COL1A2: variants seen among roughly 807,000 people sequenced by gnomAD.
COL1A2 encodes the protein collagen alpha-2(I) chain.
Under a neutral mutation model 174.3 loss-of-function variants are expected in COL1A2, and 49 were observed. The observed-to-expected ratio is 0.28, with a 90% CI of 0.22 to 0.36. The LOEUF (loss-of-function observed/expected upper bound fraction) is 0.36, where lower values mean the gene tolerates loss of function less well. Among genes scored for constraint, COL1A2 ranks in the 10% least tolerant of loss-of-function variants. The pLI is 1.00. For missense variants in COL1A2, 1,438 were observed against 1,822.7 expected (o/e 0.79, Z 3.84); for synonymous variants, 655 against 606.6 (o/e 1.08, Z -1.17).
chr7:94,401,376 G>A (rs925392026), intron 5 of COL1A2, among the ~76,000 whole-genome samples, 191 bp from the exon 6 acceptor site: 2 of 152,026 alleles, frequency 1.3e-5, no homozygotes, highest in Non-Finnish European at 1.5e-5. Flanking sequence ...AGTTTTTGAC[G>A]TACAGCTCTC....
chr7:94,413,730 C>T lies in COL1A2; in HGVS notation c.1598C>T (p.Pro533Leu), dbSNP rs1791980702. 1 of 1,614,192 alleles carries T rather than the reference C, an allele frequency of 6.2e-7. No individual in the cohort carries two copies. Among genetic ancestry groups the T allele is most frequent in the South Asian group, 1.1e-5 (1 of 91,086 alleles). Residue 533 changes from proline to leucine, a missense_variant, in exon 27 of 52, where the codon CCT (proline) becomes CTT (leucine). By Grantham distance (98) the Pro-to-Leu change is moderately conservative. Transcript: ENST00000297268. Reference sequence around the variant, plus strand: ...GATGGAAACAATGGTGCTCAGGGACCTCCTGGACCACAGGTGAGTATTTCT... The same window carrying T: ...GATGGAAACAATGGTGCTCAGGGACTTCCTGGACCACAGGTGAGTATTTCT... Reference protein sequence around the residue: ...GPDGNNGAQGPPGPQGVQGGK... With the variant: ...GPDGNNGAQGLPGPQGVQGGK...
chr7:94,410,970 A>G, intron 22 of COL1A2, 28 bp downstream of exon 22: 1 of 1,612,872 alleles, frequency 6.2e-7, no homozygotes. Context: ...TACTTCCTAG[A>G]AAGGGGCTTG....
chr7:94,413,398 A>G (rs140709753), intron 26 of COL1A2, among the ~76,000 whole-genome samples: 20 of 152,374 alleles, frequency 1.3e-4, no homozygotes, highest in Admixed American at 1.2e-3. Context: ...GGGTATGAAT[A>G]TGTAGTAGCA....
At chr7:94,412,502 G>C in intron 24 of COL1A2, 82 bp from the exon 25 acceptor site, 1 of 1,056,196 alleles carries the variant, frequency 9.5e-7, no homozygotes, top group Non-Finnish European at 1.4e-6. Flanking sequence ...AAACTATTCT[G>C]TTTCATCCGT....
intron 45 of COL1A2, 39 bp from the exon 46 acceptor site, chr7:94,426,383 TA>T (rs1792277778): frequency 6.5e-7 from 1 of 1,530,738 alleles, no homozygotes; most frequent in Non-Finnish European, 8.9e-7. Flanking sequence ...GCCATTTTTT[TA>T]AAACGGTAAG....
Position 94,418,551 on chromosome 7 carries a change from G to A in COL1A2, c.2024G>A (p.Arg675His), listed in dbSNP as rs754443174. The A allele has an allele frequency of 1.1e-5, 17 of 1,612,944 alleles. No individual in the cohort carries two copies. The highest frequency in any genetic ancestry group is 4.0e-5 in the African/African-American group (3 of 74,796). ...GGTAACCCTGGCAGAGATGGTGCTC[G>A]TGTGAGTAGAATTTTGTTTGTATGT... ...EIGNPGRDGA[R>H]GAPGAVGAPG... The change falls in exon 33 of 52, where the codon CGT becomes CAT. Residue 675 changes from arginine (R) to histidine (H), a missense_variant and splice_region_variant. Arg to His is a conservative substitution (Grantham distance 29). Transcript: ENST00000297268.
rs144797861 is a variant in COL1A2, at chr7:94,429,329, A to C, written c.3853A>C (p.Asn1285His). ...TGCATACATGGATGAGGAGACTGGCAACCTGAAAAAGGCTGTCATTCTACA... is the reference window on the plus strand; with the variant it reads ...TGCATACATGGATGAGGAGACTGGCCACCTGAAAAAGGCTGTCATTCTACA... ...SIAYMDEETG[N>H]LKKAVILQGS... The change falls in exon 51 of 52, where the codon AAC becomes CAC. Residue 1285 changes from asparagine (N) to histidine (H), a missense_variant. Around this residue, in one of 3 missense-constraint regions of COL1A2, gnomAD observed 290 missense variants for 298.1 expected, o/e 0.97. Coordinates refer to ENST00000297268, the MANE Select transcript of COL1A2 (RefSeq NM_000089.4). 8.9e-4 allele frequency: 1,438 copies of C among 1,614,148 alleles called. 1 individual carries two copies. The highest frequency in any genetic ancestry group is 1.1e-3 in the Non-Finnish European group (1,321 of 1,180,026).
intron 1 of COL1A2, among the ~76,000 whole-genome samples, chr7:94,396,937 G>T (rs1423625285): frequency 1.3e-5 from 2 of 152,166 alleles, no homozygotes; most frequent in East Asian, 3.8e-4. Context: ...TACCGTAGGA[G>T]AAGAATTCAC....
At chr7:94,413,372 C>G (rs1791972102) in intron 26 of COL1A2, among the ~76,000 whole-genome samples, 1 of 152,150 alleles carries the variant, frequency 6.6e-6, no homozygotes, top group Non-Finnish European at 1.5e-5. Context: ...TTATTTTATT[C>G]ATTTTGTAAT....
At position 94,419,563 on chromosome 7, in the gene COL1A2, T is replaced by C. The variant is rs1792108964; in HGVS notation, c.2079+12T>C. 1 of 1,613,914 alleles carries C rather than the reference T, an allele frequency of 6.2e-7. No individual in the cohort carries two copies. The highest frequency in any genetic ancestry group is 1.1e-5 in the South Asian group (1 of 91,072). The stretch of plus-strand genomic sequence containing the variant: ...CCACAGGTGACCGGGTAAGCATGCA[T>C]TTTCACTAAGCCAACAGCAATATCT... On this transcript the variant is annotated intron_variant, in intron 34 of 51. Coordinates refer to ENST00000297268, the MANE Select transcript of COL1A2 (RefSeq NM_000089.4).
At chr7:94,410,548 A>G (rs1468074923) in intron 21 of COL1A2, 21 bp downstream of exon 21, 1 of 1,511,268 alleles carries the variant, frequency 6.6e-7, no homozygotes, top group Non-Finnish European at 9.0e-7. Flanking sequence ...AATGCTCCCA[A>G]CACCCTAACA....
chr7:94,401,004 CT>C (rs1370611273), intron 5 of COL1A2, among the ~76,000 whole-genome samples: 1 of 152,186 alleles, frequency 6.6e-6, no homozygotes, highest in African/African-American at 2.4e-5. Context: ...TAAGAGAGAT[CT>C]TTAACAGTAA....
chr7:94,430,454 T>C lies in COL1A2; in HGVS notation c.*61T>C, dbSNP rs1792376563. On this transcript the variant is annotated 3_prime_UTR_variant, in exon 52 of 52. Coordinates refer to ENST00000297268, the MANE Select transcript of COL1A2 (RefSeq NM_000089.4). Reference sequence around the variant, plus strand: ...GAAAAAACTTTCTCTTTGCCATTTCTTCTTCTTCTTTTTTAACTGAAAGCT... The same window carrying C: ...GAAAAAACTTTCTCTTTGCCATTTCCTCTTCTTCTTTTTTAACTGAAAGCT... The C allele has an allele frequency of 1.3e-6, 2 of 1,553,662 alleles. No homozygotes were observed. Among genetic ancestry groups the C allele is most frequent in the Non-Finnish European group, 1.8e-6 (2 of 1,134,712 alleles).
At position 94,401,596 on chromosome 7, in the gene COL1A2, A is replaced by C. The variant is rs772309296; in HGVS notation, c.255A>C (p.Gly85=). Residue 85 remains glycine (G), a synonymous_variant, in exon 6 of 52, where the codon GGA becomes GGC. Coordinates refer to ENST00000297268, the MANE Select transcript of COL1A2 (RefSeq NM_000089.4). ...GNFAAQYDGK[G]VGLGPGPMGL... is the part of the protein sequence containing the mutation. ...TTGCTGCTCAGTATGATGGAAAAGGAGTTGGACTTGGCCCTGGACCAATGG... is the reference window on the plus strand; with the variant it reads ...TTGCTGCTCAGTATGATGGAAAAGGCGTTGGACTTGGCCCTGGACCAATGG... 75 of 1,575,028 alleles carry C rather than the reference A, an allele frequency of 4.8e-5. No homozygotes were observed. The highest frequency in any genetic ancestry group is 6.5e-5 in the Non-Finnish European group (75 of 1,158,650).
In COL1A2 at chr7:94,405,746, A is replaced by G. The variant is rs1362421028; in HGVS notation, c.540+20A>G. ...ATTAGGGTGAGCACATTCTTTACTC[A>G]GAAGAGAGAAAATGCCTATTAATTT... On this transcript the variant is annotated intron_variant, in intron 11 of 51. Transcript: ENST00000297268. 19 of 1,604,038 alleles carry G rather than the reference A, an allele frequency of 1.2e-5. No homozygotes were observed. Among genetic ancestry groups the G allele is most frequent in the Non-Finnish European group, 1.6e-5 (19 of 1,170,826 alleles).
chr7:94,400,293 G>C lies in COL1A2; in HGVS notation c.225+5G>C. The C allele has an allele frequency of 6.2e-7, 1 of 1,612,518 alleles. No homozygotes were observed. The highest frequency in any genetic ancestry group is 8.5e-7 in the Non-Finnish European group (1 of 1,179,304). ...GGCCCCCCTGGTCTCGGTGGGGTAA[G>C]GTGTCTTACGTATTGCTAACTTTTA... On this transcript the variant is annotated splice_donor_5th_base_variant and intron_variant, in intron 5 of 51. Transcript: ENST00000297268.
intron 31 of COL1A2, 143 bp downstream of exon 31, chr7:94,416,646 C>A: frequency 2.9e-6 from 2 of 679,748 alleles, no homozygotes; most frequent in Non-Finnish European, 5.2e-6. Context: ...AAACAGCAAT[C>A]CGATTCCAGT....
intron 21 of COL1A2, 69 bp downstream of exon 21, chr7:94,410,596 T>G: frequency 7.6e-7 from 1 of 1,308,412 alleles, no homozygotes. Flanking sequence ...CACTGGGAAT[T>G]GGTCAAAATT....
intron 6 of COL1A2, among the ~76,000 whole-genome samples, chr7:94,403,938 A>G (rs1317110587): frequency 6.6e-6 from 1 of 152,204 alleles, no homozygotes; most frequent in Non-Finnish European, 1.5e-5. Flanking sequence ...TTCAACAATA[A>G]TATCATATAA....
Sources: gnomAD v4.1 joint callset for allele counts (sites outside exome capture counted in the v4.1 genomes callset) on GRCh38, gnomAD v4.1.1 for gene constraint, gnomAD v4.1.1 regional missense constraint, MANE v1.5 for transcripts, NCBI Gene and HGNC (gene_info 2026-07-23, HGNC 2026-07-21) for gene names.